FASTKD1: variants seen among roughly 807,000 people sequenced by gnomAD.
FASTKD1 encodes the protein FAST kinase domains 1.
A neutral mutation model predicts 90.9 loss-of-function variants in FASTKD1; 94 were observed. The observed-to-expected ratio is 1.03, with a 90% CI of 0.88 to 1.23. FASTKD1 has a LOEUF of 1.23. Among genes scored for constraint, FASTKD1 ranks in the 50% most tolerant of loss-of-function variants. The pLI is 0.00. For synonymous variants in FASTKD1, 319 were observed against 345.8 expected (o/e 0.92, Z 0.86); for missense variants, 945 against 993.5 (o/e 0.95, Z 0.66).
intron 9 of FASTKD1, among the ~76,000 whole-genome samples, chr2:169,543,985 T>C (rs1029151921): frequency 1.3e-5 from 2 of 152,162 alleles, no homozygotes; most frequent in African/African-American, 4.8e-5. Flanking sequence ...AACTGTGTAT[T>C]AGATATTAGG....
At chr2:169,530,042 A>C in intron 14 of FASTKD1, 116 bp from the exon 15 acceptor site, 1 of 733,728 alleles carries the variant, frequency 1.4e-6, no homozygotes, top group South Asian at 2.0e-5. Flanking sequence ...ATTAGTTTAC[A>C]TAAGGATAGC....
In FASTKD1 at chr2:169,528,714, T is replaced by C. The variant is rs1276959556; in HGVS notation, c.*1111A>G. Among the ~76,000 whole-genome samples the C allele has an allele frequency of 1.3e-5, 2 of 152,156 alleles. No homozygotes were observed. Among genetic ancestry groups the C allele is most frequent in the Non-Finnish European group, 1.5e-5 (1 of 68,044 alleles). On this transcript the variant is annotated 3_prime_UTR_variant, in exon 15 of 15. Transcript: ENST00000453153. ...ATGCACCACTTCAAAACGACTATTT[T>C]CAAAGTACTAATGATTTTCATGTTG... is the stretch of plus-strand genomic sequence containing the variant.
At chr2:169,561,464 T>C (rs1683594958) in intron 4 of FASTKD1, among the ~76,000 whole-genome samples, 1 of 151,956 alleles carries the variant, frequency 6.6e-6, no homozygotes, top group East Asian at 1.9e-4. Flanking sequence ...GTAAGTAATC[T>C]TATGTTAAAA....
Position 169,544,942 on chromosome 2 carries a change from T to A in FASTKD1, c.1702-107A>T, listed in dbSNP as rs1463455227. On this transcript the variant is annotated intron_variant, in intron 8 of 14. Coordinates refer to ENST00000453153, the MANE Select transcript of FASTKD1 (RefSeq NM_024622.6). ...AATCTTTTCCTATCATCGCTACAGTTAAATAATAAATGTATCACCCTGCTT... is the reference window on the plus strand; with the variant it reads ...AATCTTTTCCTATCATCGCTACAGTAAAATAATAAATGTATCACCCTGCTT... The A allele has an allele frequency of 5.0e-6, 3 of 603,928 alleles. No individual in the cohort carries two copies. In the East Asian group the frequency reaches 8.6e-5, roughly 17 times the overall value. The allele number at this position is 603,928 out of a possible 1,614,324, so 37.4% of individuals were successfully genotyped here.
intron 1 of FASTKD1, chr2:169,573,027 A>C (rs2105450643): frequency 6.6e-6 from 1 of 152,296 alleles, no homozygotes; most frequent in South Asian, 2.1e-4. Flanking sequence ...CATTTTACAG[A>C]TAAGGCAAAA....
intron 10 of FASTKD1, among the ~76,000 whole-genome samples, chr2:169,539,630 T>C (rs763659118): frequency 6.6e-6 from 1 of 151,484 alleles, no homozygotes; most frequent in Non-Finnish European, 1.5e-5. Context: ...CTGGGCATGG[T>C]GACACACGCC....
chr2:169,569,293 A>T, intron 2 of FASTKD1, 41 bp from the exon 3 acceptor site: 1 of 1,563,230 alleles, frequency 6.4e-7, no homozygotes, highest in Non-Finnish European at 8.8e-7. Flanking sequence ...TAATCATTTT[A>T]AAATCATTAA....
Position 169,550,606 on chromosome 2 carries a change from G to C in FASTKD1, c.1215-3902C>G, listed in dbSNP as rs140607685. ...TGATCCTCCCGCCTCAGCCTCCTGA[G>C]TAGCTAGGACTACAGGCATGAACTA... On this transcript the variant is annotated intron_variant, in intron 7 of 14. Transcript: ENST00000453153. Among the ~76,000 whole-genome samples, 381 of 152,210 alleles carry C rather than the reference G, an allele frequency of 2.5e-3. 1 individual carries two copies. Among genetic ancestry groups the C allele is most frequent in the African/African-American group, 8.7e-3 (362 of 41,530 alleles).
chr2:169,541,777 T>G (rs1174641497), intron 9 of FASTKD1, among the ~76,000 whole-genome samples: 1 of 152,148 alleles, frequency 6.6e-6, no homozygotes, highest in African/African-American at 2.4e-5. Flanking sequence ...TGGGTAATTC[T>G]TACTCTCCAG....
chr2:169,531,260 A>G (rs1288592607), intron 13 of FASTKD1, 92 bp downstream of exon 13: 1 of 1,322,818 alleles, frequency 7.6e-7, no homozygotes, highest in Non-Finnish European at 1.1e-6. Context: ...AACAGATTCC[A>G]CTACCTTCAA....
Position 169,538,032 on chromosome 2 carries a change from G to C in FASTKD1, c.2055C>G (p.Phe685Leu). ...EFQIPWFHDRFCQQYNKGIGG... is the reference protein window; with the variant it reads ...EFQIPWFHDRLCQQYNKGIGG... ...TCAAACCTTTATTATATTGTTGACA[G>C]AAGCGGTCATGAAACCATGGAATCT... Residue 685 changes from phenylalanine to leucine, a missense_variant, in exon 11 of 15, where the codon TTC (phenylalanine) becomes TTG (leucine). By Grantham distance (22) the Phe-to-Leu change is conservative (BLOSUM62 0). Transcript: ENST00000453153. 6.2e-7 allele frequency: 1 copy of C among 1,605,654 alleles called. No individual in the cohort carries two copies. Among genetic ancestry groups the C allele is most frequent in the Non-Finnish European group, 8.5e-7 (1 of 1,177,926 alleles).
rs769723380 is a variant in FASTKD1, at chr2:169,563,286, G to T, written c.511C>A (p.Pro171Thr). 2 of 1,612,036 alleles carry T rather than the reference G, an allele frequency of 1.2e-6. No individual in the cohort carries two copies. The highest frequency in any genetic ancestry group is 1.7e-6 in the Non-Finnish European group (2 of 1,179,030). The change falls in exon 4 of 15, where the codon CCA (proline) becomes ACA (threonine). Residue 171 changes from proline to threonine, a missense_variant. Coordinates refer to ENST00000453153, the MANE Select transcript of FASTKD1 (RefSeq NM_024622.6). ...ATATCAGCTATTTTTCCCATTAATG[G>T]ACTAAAATACAAATGCTGATCTGCT... ...CLADQHLYFSPLMGKIADIVH... is the reference protein window; with the variant it reads ...CLADQHLYFSTLMGKIADIVH...
chr2:169,557,332 G>A, intron 5 of FASTKD1, 35 bp from the exon 6 acceptor site: 5 of 1,253,476 alleles, frequency 4.0e-6, no homozygotes, highest in Non-Finnish European at 5.6e-6. Flanking sequence ...TTGGTTGAAA[G>A]ACTGAAAATT....
intron 3 of FASTKD1, among the ~76,000 whole-genome samples, chr2:169,564,580 C>A (rs1486383009): frequency 6.6e-6 from 1 of 152,030 alleles, no homozygotes; most frequent in Non-Finnish European, 1.5e-5. Context: ...ACAAACAATC[C>A]AATTACGTTC....
At chr2:169,569,658 C>T (rs780174166) in intron 2 of FASTKD1, among the ~76,000 whole-genome samples, 2 of 152,142 alleles carry the variant, frequency 1.3e-5, no homozygotes, top group Non-Finnish European at 2.9e-5. Context: ...CGAGACCAGC[C>T]TGGGCAACAT....
At chr2:169,545,726 C>T (rs1171439515) in intron 8 of FASTKD1, among the ~76,000 whole-genome samples, 1 of 152,106 alleles carries the variant, frequency 6.6e-6, no homozygotes, top group Non-Finnish European at 1.5e-5. Flanking sequence ...AAAAATAATA[C>T]CACACGATTA....
chr2:169,559,944 ACATGGGAACATATGCCCAGTG>A (rs1335750844), intron 5 of FASTKD1, among the ~76,000 whole-genome samples: 1 of 152,240 alleles, frequency 6.6e-6, no homozygotes, highest in Non-Finnish European at 1.5e-5. Context: ...CTCAAACCTG[ACATGGGAACATATGCCCAGTG>A]CATAATAAAT....
chr2:169,531,445 C>G lies in FASTKD1; in HGVS notation c.2234G>C (p.Gly745Ala), dbSNP rs77505172. 2.5e-6 allele frequency: 4 copies of G among 1,610,902 alleles called. No homozygotes were observed. In the East Asian group the frequency reaches 8.9e-5, roughly 36 times the overall value. Residue 745 changes from glycine (G) to alanine (A), a missense_variant, in exon 13 of 15, where the codon GGA (glycine) becomes GCA (alanine). Physicochemically the swap from Gly to Ala is moderately conservative, Grantham distance 60. Coordinates refer to ENST00000453153, the MANE Select transcript of FASTKD1 (RefSeq NM_024622.6). ...LDKRKKPLPY[G>A]SHNIALGQLP... ...TTGTCCCAATGCTATATTATGGCTT[C>G]CATACGGAAGAGGTTTTTTTCTTTT...
chr2:169,554,321 T>G (rs1465044513), intron 7 of FASTKD1, among the ~76,000 whole-genome samples: 1 of 110,800 alleles, frequency 9.0e-6, no homozygotes, highest in African/African-American at 3.5e-5. Context: ...AAAAGATACA[T>G]CTGTAGAAAA....
Sources: gnomAD v4.1 joint callset for allele counts (sites outside exome capture counted in the v4.1 genomes callset) on GRCh38, gnomAD v4.1.1 for gene constraint, MANE v1.5 for transcripts, NCBI Gene and HGNC (gene_info 2026-07-23, HGNC 2026-07-21) for gene names.